FAM168A: variants seen among roughly 807,000 people sequenced by gnomAD.
The protein encoded by FAM168A is family with sequence similarity 168 member A.
FAM168A carries 3 observed loss-of-function variants against 28.5 expected under a neutral mutation model. The observed-to-expected ratio is 0.11, with a 90% confidence interval of 0.05 to 0.27. FAM168A has a LOEUF of 0.27. Ranked by LOEUF, FAM168A falls within the 10% of genes least tolerant of loss-of-function variation. The pLI is 1.00. For synonymous variants in FAM168A, 122 were observed against 124.2 expected (o/e 0.98, Z 0.12); for missense variants, 222 against 311.5 (o/e 0.71, Z 2.16).
intron 3 of FAM168A, 196 bp downstream of exon 3, chr11:73,430,494 G>A (rs1328634824): frequency 3.6e-6 from 2 of 557,646 alleles, no homozygotes; most frequent in African/African-American, 1.9e-5. Flanking sequence ...AGACAGAGTG[G>A]AGGAGATTCT....
chr11:73,514,689 C>T (rs982088071), intron 1 of FAM168A, among the ~76,000 whole-genome samples: 3 of 152,042 alleles, frequency 2.0e-5, no homozygotes, highest in African/African-American at 4.8e-5. Context: ...AAAAATTAAC[C>T]GAGCATGGTG....
intron 2 of FAM168A, among the ~76,000 whole-genome samples, chr11:73,442,368 C>T (rs1001704228): frequency 6.6e-5 from 10 of 152,078 alleles, no homozygotes; most frequent in African/African-American, 2.2e-4. Flanking sequence ...CCTCATGATC[C>T]GTCTGCCTCA....
chr11:73,508,925 CAT>C (rs1349176243), intron 1 of FAM168A, among the ~76,000 whole-genome samples: 1 of 152,156 alleles, frequency 6.6e-6, no homozygotes, highest in Admixed American at 6.5e-5. Context: ...TGCATTAAAA[CAT>C]AATGATGGCT....
intron 1 of FAM168A, among the ~76,000 whole-genome samples, chr11:73,552,914 G>A (rs1317773225): frequency 1.3e-5 from 2 of 152,132 alleles, no homozygotes; most frequent in African/African-American, 2.4e-5. Flanking sequence ...CCGAGATCGC[G>A]CCACTGCATT....
At chr11:73,505,241 GA>G (rs548075811) in intron 1 of FAM168A, among the ~76,000 whole-genome samples, 12,495 of 130,934 alleles carry the variant, frequency 0.095, 1,588 homozygotes, top group African/African-American at 0.3. Flanking sequence ...TTGCAAAAAG[GA>G]AAAAAAAAAA....
intron 1 of FAM168A, among the ~76,000 whole-genome samples, chr11:73,489,613 C>G (rs190656003): frequency 6.6e-6 from 1 of 151,556 alleles, no homozygotes; most frequent in Non-Finnish European, 1.5e-5. Context: ...TAGGCTCAAG[C>G]GATCTTCCCA....
intron 1 of FAM168A, among the ~76,000 whole-genome samples, chr11:73,549,612 A>G (rs149371289): frequency 1.3e-5 from 2 of 152,252 alleles, no homozygotes; most frequent in East Asian, 1.9e-4. Flanking sequence ...TGCCTAACTC[A>G]TTTCTGTATC....
chr11:73,593,807 G>A lies in FAM168A; in HGVS notation c.-19+4116C>T, dbSNP rs187973911. On this transcript the variant is annotated intron_variant, in intron 1 of 7. Coordinates refer to ENST00000356467, the MANE Select transcript of FAM168A (RefSeq NM_015159.3). ...TCCTATGATGTTAATTCTATTATTC[G>A]CACTTTACAGATGAGCCCATTGTGC... Among the ~76,000 whole-genome samples, 409 of 151,902 alleles carry A rather than the reference G, an allele frequency of 2.7e-3. 3 individuals are homozygous for A. Among genetic ancestry groups the A allele is most frequent in the African/African-American group, 9.4e-3 (390 of 41,400 alleles).
At chr11:73,569,033 C>T (rs1944055517) in intron 1 of FAM168A, among the ~76,000 whole-genome samples, 1 of 152,066 alleles carries the variant, frequency 6.6e-6, no homozygotes, top group Non-Finnish European at 1.5e-5. Context: ...ATTGTTTCTT[C>T]GGTGTTACAA....
At chr11:73,468,191 A>G (rs17244596) in intron 2 of FAM168A, among the ~76,000 whole-genome samples, 12,583 of 152,276 alleles carry the variant, frequency 0.083, 652 homozygotes, top group Non-Finnish European at 0.11. Context: ...CAGACTCTCT[A>G]AAACACTCTC....
At chr11:73,566,982 C>T (rs1749922920) in intron 1 of FAM168A, among the ~76,000 whole-genome samples, 2 of 152,028 alleles carry the variant, frequency 1.3e-5, no homozygotes, top group South Asian at 2.1e-4. Flanking sequence ...AGAAGCAACA[C>T]GAGTAGAGAT....
intron 1 of FAM168A, among the ~76,000 whole-genome samples, chr11:73,578,140 T>C (rs1056868108): frequency 1.2e-4 from 19 of 152,212 alleles, no homozygotes; most frequent in African/African-American, 4.1e-4. Context: ...TCTTCTCCAA[T>C]GGTCCTTTGG....
chr11:73,468,630 A>T, intron 1 of FAM168A, 138 bp from the exon 2 acceptor site: 3 of 659,184 alleles, frequency 4.6e-6, no homozygotes, highest in Non-Finnish European at 5.1e-6. Context: ...CAAAAAAGCC[A>T]ATTTGCTTGT....
At chr11:73,516,613 T>C (rs1943307035) in intron 1 of FAM168A, among the ~76,000 whole-genome samples, 1 of 152,234 alleles carries the variant, frequency 6.6e-6, no homozygotes, top group South Asian at 2.1e-4. Context: ...TACCTCCTTC[T>C]CTAGGTTTCT....
intron 4 of FAM168A, among the ~76,000 whole-genome samples, chr11:73,418,195 C>T (rs1866728885): frequency 6.6e-6 from 1 of 152,156 alleles, no homozygotes; most frequent in South Asian, 2.1e-4. Context: ...ATGTTTGTTT[C>T]CTCCAAATGT....
chr11:73,522,351 G>A (rs1410031376), intron 1 of FAM168A, among the ~76,000 whole-genome samples: 5 of 151,968 alleles, frequency 3.3e-5, no homozygotes, highest in South Asian at 4.2e-4. Flanking sequence ...ACGGAGTCTC[G>A]TTCTGTCGCC....
chr11:73,404,454 T>C lies in FAM168A; in HGVS notation c.*2309A>G, dbSNP rs1866467467. 1 of 152,218 alleles carries C rather than the reference T, an allele frequency of 6.6e-6. No homozygotes were observed. Among genetic ancestry groups the C allele is most frequent in the African/African-American group, 2.4e-5 (1 of 41,452 alleles). 9.4% of individuals were successfully genotyped at this position (152,218 alleles called of 1,614,324 possible). A position where few individuals can be genotyped will look rare whatever the true frequency, so the allele number is the denominator to read the frequency against. The stretch of plus-strand genomic sequence containing the variant: ...AAGGTTTCTATTATTATTATCATTA[T>C]TATTATTTTGGCATTTTTCAAACAC... On this transcript the variant is annotated 3_prime_UTR_variant, in exon 8 of 8. Transcript: ENST00000356467.
chr11:73,541,368 ACTT>A (rs760502901), intron 1 of FAM168A, among the ~76,000 whole-genome samples: 7 of 150,894 alleles, frequency 4.6e-5, no homozygotes, highest in Non-Finnish European at 1.0e-4. Context: ...AAGTGCCTAA[ACTT>A]CTTTTTTTTT....
At chr11:73,407,894 C>T (rs1330930350) in intron 6 of FAM168A, among the ~76,000 whole-genome samples, 1 of 152,158 alleles carries the variant, frequency 6.6e-6, no homozygotes, top group Non-Finnish European at 1.5e-5. Context: ...TTCTTTGAGA[C>T]GGAGTCTCGC....
Sources: allele counts gnomAD v4.1 joint callset (sites outside exome capture counted in the v4.1 genomes callset), GRCh38; gene constraint gnomAD v4.1.1; transcripts MANE v1.5; gene names NCBI Gene and HGNC (gene_info 2026-07-23, HGNC 2026-07-21).